Variants in APBA1 observed in about 807,000 individuals in gnomAD.
The protein encoded by APBA1 is amyloid beta precursor protein binding family A member 1, also known as amyloid-beta A4 precursor protein-binding family A member 1.
Under a neutral mutation model 86.6 loss-of-function variants are expected in APBA1, and 55 were observed. The ratio of observed to expected loss-of-function variants is 0.64; its 90% confidence interval spans 0.51 to 0.80. The LOEUF is 0.80. APBA1 is among the 30% of genes least tolerant of loss of function. APBA1 has a pLI of 0.00. For synonymous variants in APBA1, 511 were observed against 493.9 expected (o/e 1.03, Z -0.46); for missense variants, 1,090 against 1,183.0 (o/e 0.92, Z 1.15).
At chr9:69,506,237 G>A (rs920670483) in intron 2 of APBA1, among the ~76,000 whole-genome samples, 2 of 151,710 alleles carry the variant, frequency 1.3e-5, no homozygotes, top group Admixed American at 6.5e-5. Context: ...AAAGCAGGGC[G>A]AGGCATTTCC....
chr9:69,518,076 T>C (rs1284094041), intron 1 of APBA1, among the ~76,000 whole-genome samples: 1 of 152,116 alleles, frequency 6.6e-6, no homozygotes, highest in African/African-American at 2.4e-5. Flanking sequence ...GGCTTCCCTA[T>C]TGCGCACTCA....
intron 2 of APBA1, among the ~76,000 whole-genome samples, chr9:69,514,855 G>A (rs1200386672): frequency 2.0e-5 from 3 of 151,646 alleles, no homozygotes; most frequent in Admixed American, 6.6e-5. Context: ...TACGGTGAGC[G>A]GAGATTGCAT....
intron 1 of APBA1, among the ~76,000 whole-genome samples, chr9:69,615,216 G>C (rs920140782): frequency 1.3e-5 from 2 of 152,120 alleles, no homozygotes; most frequent in African/African-American, 4.8e-5. Flanking sequence ...TAAAATAAGA[G>C]ACAATTTTTC....
intron 1 of APBA1, among the ~76,000 whole-genome samples, chr9:69,629,780 C>T (rs534996482): frequency 1.3e-5 from 2 of 152,288 alleles, no homozygotes; most frequent in South Asian, 4.1e-4. Flanking sequence ...TCCCTGCTTT[C>T]CCTGCTCGCA....
At chr9:69,437,164 C>G (rs1834741579) in intron 11 of APBA1, among the ~76,000 whole-genome samples, 2 of 151,802 alleles carry the variant, frequency 1.3e-5, no homozygotes, top group African/African-American at 4.9e-5. Context: ...TGATGTGTTG[C>G]TGGATTCAGT....
intron 1 of APBA1, among the ~76,000 whole-genome samples, chr9:69,535,201 T>C (rs990437661): frequency 2.6e-5 from 4 of 152,222 alleles, no homozygotes; most frequent in Admixed American, 2.0e-4. Flanking sequence ...TGTTCACCTG[T>C]GTGCCAAGGA....
intron 1 of APBA1, among the ~76,000 whole-genome samples, chr9:69,586,041 A>G (rs1822013300): frequency 6.6e-6 from 1 of 152,152 alleles, no homozygotes; most frequent in South Asian, 2.1e-4. Context: ...TGTCTGGCCC[A>G]TGGATTTTAC....
intron 2 of APBA1, among the ~76,000 whole-genome samples, chr9:69,484,308 C>T (rs544415117): frequency 2.8e-4 from 43 of 152,134 alleles, no homozygotes; most frequent in Admixed American, 2.2e-3. Context: ...AGAGGGAACC[C>T]GGACCCCACA....
At chr9:69,662,878 A>G (rs1472598693) in intron 1 of APBA1, among the ~76,000 whole-genome samples, 1 of 152,154 alleles carries the variant, frequency 6.6e-6, no homozygotes, top group Non-Finnish European at 1.5e-5. Flanking sequence ...TTCTTACTCC[A>G]CTTTCCCTTT....
At chr9:69,492,020 C>T (rs540564416) in intron 2 of APBA1, among the ~76,000 whole-genome samples, 1 of 152,088 alleles carries the variant, frequency 6.6e-6, no homozygotes, top group South Asian at 2.1e-4. Context: ...CTGCCTCAGC[C>T]TCCCATAGTG....
At chr9:69,632,953 G>A (rs538555418) in intron 1 of APBA1, among the ~76,000 whole-genome samples, 1 of 151,976 alleles carries the variant, frequency 6.6e-6, no homozygotes, top group Non-Finnish European at 1.5e-5. Flanking sequence ...TGAGGTCAGA[G>A]TATCGATTCC....
intron 1 of APBA1, among the ~76,000 whole-genome samples, chr9:69,632,454 G>A (rs912334478): frequency 3.9e-5 from 6 of 152,042 alleles, no homozygotes; most frequent in Non-Finnish European, 5.9e-5. Context: ...TCTGAGCTTC[G>A]AGACTGTGTA....
rs149565037 is a variant in APBA1, at chr9:69,476,134, G to C, written c.1210C>G (p.Pro404Ala). The change falls in exon 3 of 13, where the codon CCT becomes GCT. Residue 404 changes from proline (P) to alanine (A), a missense_variant. Transcript: ENST00000265381. ...QRPMDGDSPS[P>A]GSSSPLGAES... is the part of the protein sequence containing the mutation. ...GCACCCAAGGGGGAGGAGCTGCCAG[G>C]AGACGGAGACTAGAACACAGCAAGA... is the stretch of plus-strand genomic sequence containing the variant. The C allele has an allele frequency of 1.3e-5, 21 of 1,612,922 alleles. No homozygotes were observed. The highest frequency in any genetic ancestry group is 1.6e-5 in the Non-Finnish European group (19 of 1,179,280).
chr9:69,567,589 C>A (rs2133944709), intron 1 of APBA1, among the ~76,000 whole-genome samples: 1 of 151,964 alleles, frequency 6.6e-6, no homozygotes, highest in South Asian at 2.1e-4. Flanking sequence ...AACCCCACAA[C>A]AGGCCCCGGT....
intron 1 of APBA1, among the ~76,000 whole-genome samples, chr9:69,670,445 T>C (rs1429899696): frequency 6.6e-6 from 1 of 152,184 alleles, no homozygotes; most frequent in Admixed American, 6.5e-5. Context: ...GACAATGCAG[T>C]AGAATTTAAG....
intron 2 of APBA1, among the ~76,000 whole-genome samples, chr9:69,500,018 G>C (rs915425966): frequency 1.3e-5 from 2 of 152,092 alleles, no homozygotes; most frequent in Non-Finnish European, 2.9e-5. Flanking sequence ...GTTATCTGGA[G>C]GGGCGGTGCA....
intron 1 of APBA1, among the ~76,000 whole-genome samples, chr9:69,544,850 C>T (rs975523796): frequency 6.6e-6 from 1 of 152,106 alleles, no homozygotes; most frequent in African/African-American, 2.4e-5. Flanking sequence ...AGTCTCCACC[C>T]ACCCCCCTGC....
chr9:69,516,342 G>A lies in APBA1; in HGVS notation c.869C>T (p.Ala290Val). Reference protein sequence around the residue: ...SMSSQSLDKAAEDMPEAEQDL... With the variant: ...SMSSQSLDKAVEDMPEAEQDL... ...CTGCTCGGCCTCAGGCATGTCCTCGGCTGCCTTGTCGAGGCTCTGCGAGCT... is the reference window on the plus strand; with the variant it reads ...CTGCTCGGCCTCAGGCATGTCCTCGACTGCCTTGTCGAGGCTCTGCGAGCT... Residue 290 changes from alanine to valine, a missense_variant, in exon 2 of 13, where the codon GCC (alanine) becomes GTC (valine). Ala to Val is a moderately conservative substitution (Grantham distance 64). Coordinates refer to ENST00000265381, the MANE Select transcript of APBA1 (RefSeq NM_001163.4). The surrounding 1 kb of genome is among the most constrained non-coding windows in gnomAD (Gnocchi z 7.3). 1 of 1,596,364 alleles carries A rather than the reference G, an allele frequency of 6.3e-7. No homozygotes were observed. Among genetic ancestry groups the A allele is most frequent in the Non-Finnish European group, 8.5e-7 (1 of 1,177,042 alleles).
chr9:69,481,299 C>T lies in APBA1; in HGVS notation c.1201-5156G>A, dbSNP rs557729647. On this transcript the variant is annotated intron_variant, in intron 2 of 12. Transcript: ENST00000265381. ...AGTCTCAGGATACAAAATCAATGTG[C>T]AAAAATCACAAGCATTCTTATACAC... Among the ~76,000 whole-genome samples the T allele has an allele frequency of 8.1e-3, 1,225 of 151,002 alleles. 18 individuals are homozygous for T. The highest frequency in any genetic ancestry group is 0.028 in the African/African-American group (1,128 of 40,890).
Sources: allele counts gnomAD v4.1 joint callset (sites outside exome capture counted in the v4.1 genomes callset), GRCh38; gene constraint gnomAD v4.1.1; non-coding constraint Gnocchi (gnomAD v3.1); transcripts MANE v1.5; gene names NCBI Gene and HGNC (gene_info 2026-07-23, HGNC 2026-07-21).